COX15: variants seen among roughly 807,000 people sequenced by gnomAD.
COX15 encodes the protein cytochrome c oxidase assembly factor COX15, also known as heme A synthase COX15.
In COX15, 51 loss-of-function variants were observed where a neutral mutation model predicts 51.9. That is an observed-to-expected ratio of 0.98 (90% confidence interval 0.78 to 1.24). COX15 has a LOEUF of 1.24. COX15 is among the 50% of genes most tolerant of loss of function. COX15 has a pLI of 0.00. For synonymous variants in COX15, 188 were observed against 190.5 expected, an observed-to-expected ratio of 0.99 and a Z score of 0.11; for missense variants, 420 against 501.1, an observed-to-expected ratio of 0.84 and a Z score of 1.55.
At chr10:99,708,823 G>A, downstream of COX15, 1 of 985,328 alleles carries the variant, frequency 1.0e-6, no homozygotes, top group Non-Finnish European at 1.2e-6. Flanking sequence ...TGGCCTCCTA[G>A]CCCAACTACT....
chr10:99,729,648 G>A lies in COX15; in HGVS notation c.177C>T (p.Ser59=), dbSNP rs1383322913. 6.2e-7 allele frequency: 1 copy of A among 1,613,884 alleles called. No homozygotes were observed. The highest frequency in any genetic ancestry group is 8.5e-7 in the Non-Finnish European group (1 of 1,180,014). ...CCCGCTCAGCAGCCTTTGAGGGAAG[G>A]GACACTGTACCCCTTCCAGATTGCA... The part of the protein sequence containing the change: ...VALQSGRGTV[S]LPSKAAERVV... Residue 59 remains serine, a synonymous_variant, in exon 2 of 9, where the codon TCC becomes TCT. Coordinates refer to ENST00000016171, the MANE Select transcript of COX15 (RefSeq NM_078470.6).
chr10:99,702,697 G>T, the COX15 span: 2 of 1,584,472 alleles, frequency 1.3e-6, no homozygotes, highest in South Asian at 2.3e-5. Context: ...GACCAATCTG[G>T]TATCTTGAGC....
intron 5 of COX15, among the ~76,000 whole-genome samples, chr10:99,721,422 A>G (rs1324218080): frequency 6.6e-6 from 1 of 152,240 alleles, no homozygotes; most frequent in Non-Finnish European, 1.5e-5. Context: ...TCACGGTTGA[A>G]AGGATGTAGC....
intron 4 of COX15, among the ~76,000 whole-genome samples, chr10:99,726,013 T>G (rs10786568): frequency 0.87 from 132,125 of 152,094 alleles, 57,460 homozygotes; most frequent in Middle Eastern, 0.92. Flanking sequence ...TTTAATTTGT[T>G]GCTCAGTTTC....
chr10:99,697,035 A>G, the COX15 span, among the ~76,000 whole-genome samples: 3 of 152,234 alleles, frequency 2.0e-5, no homozygotes, highest in Non-Finnish European at 2.9e-5. Flanking sequence ...TACGAACACT[A>G]GCTTGAAGAA....
the COX15 span, chr10:99,698,433 AC>A: frequency 1.7e-5 from 20 of 1,152,126 alleles, no homozygotes; most frequent in African/African-American, 3.1e-5. Context: ...TATCATGAAA[AC>A]CAGTAGTAAG....
In COX15 at chr10:99,724,550, A is replaced by G. The variant is rs945957896; in HGVS notation, c.583-427T>C. 3.3e-5 allele frequency among the ~76,000 whole-genome samples: 5 copies of G among 151,294 alleles called. No individual in the cohort carries two copies. In the South Asian group the frequency reaches 1.0e-3, roughly 32 times the overall value. On this transcript the variant is annotated intron_variant, in intron 4 of 8. Transcript: ENST00000016171. The stretch of plus-strand genomic sequence containing the variant: ...TCTACCCCACCCCTCCTCTTTCCAT[A>G]CCCTCCCCAATACGCAGTGTCCCAA...
Position 99,727,128 on chromosome 10 carries a change from T to C in COX15, c.422A>G (p.Glu141Gly). ...CTCCATGTACCAGATGAACTTGAATTCTGTCAGTGTCATATCATGATTCAA... is the reference window on the plus strand; with the variant it reads ...CTCCATGTACCAGATGAACTTGAATCCTGTCAGTGTCATATCATGATTCAA... ...KILNHDMTLT[E>G]FKFIWYMEYS... The change falls in exon 4 of 9, where the codon GAA becomes GGA. Residue 141 changes from glutamate to glycine, a missense_variant. Physicochemically the swap from Glu to Gly is moderately conservative, Grantham distance 98 (BLOSUM62 -2). Coordinates refer to ENST00000016171, the MANE Select transcript of COX15 (RefSeq NM_078470.6). 1 of 1,614,210 alleles carries C rather than the reference T, an allele frequency of 6.2e-7. No individual in the cohort carries two copies. The highest frequency in any genetic ancestry group is 1.1e-5 in the South Asian group (1 of 91,086).
chr10:99,700,922 G>A, the COX15 span: 4 of 1,448,498 alleles, frequency 2.8e-6, no homozygotes, highest in African/African-American at 5.6e-5. Context: ...GGGGAAGGTA[G>A]AGAGTTTGCC....
At chr10:99,721,135 C>CT (rs2036755811) in intron 5 of COX15, 67 bp from the exon 6 acceptor site, 20 of 1,324,946 alleles carry the variant, frequency 1.5e-5, no homozygotes, top group Non-Finnish European at 2.0e-5. Context: ...GCAAAGATCT[C>CT]TAAGGCCAAA....
At chr10:99,715,582 C>T (rs6584318) in intron 8 of COX15, among the ~76,000 whole-genome samples, 130,207 of 151,438 alleles carry the variant, frequency 0.86, 56,056 homozygotes, top group Middle Eastern at 0.93. Flanking sequence ...CAAAGAATTA[C>T]CCATTTAACT....
At chr10:99,699,314 G>A in the COX15 span, among the ~76,000 whole-genome samples, 2 of 152,186 alleles carry the variant, frequency 1.3e-5, no homozygotes, top group Non-Finnish European at 2.9e-5. Context: ...GTGGTATGGG[G>A]TCCCTGGGAA....
rs145963002 is a variant in COX15 at position 99,712,811 on chromosome 10, A to T, written c.*1776T>A. On this transcript the variant is annotated 3_prime_UTR_variant, in exon 9 of 9. Transcript: ENST00000016171. Reference sequence around the variant, plus strand: ...CTACCCTACTCTTGCCTTCTACAGAACTAAAACTAACTTCCTGCAACTTTC... The same window carrying T: ...CTACCCTACTCTTGCCTTCTACAGATCTAAAACTAACTTCCTGCAACTTTC... The T allele has an allele frequency of 6.8e-4, 218 of 319,266 alleles. No homozygotes were observed. Among genetic ancestry groups the T allele is most frequent in the African/African-American group, 4.5e-3 (199 of 44,550 alleles). The allele number at this position is 319,266 out of a possible 1,614,324, so 19.8% of individuals were successfully genotyped here. A position where few individuals can be genotyped will look rare whatever the true frequency, so the allele number is the denominator to read the frequency against.
chr10:99,700,434 GTGTGTGTGTGTT>G, the COX15 span, among the ~76,000 whole-genome samples: 1 of 93,506 alleles, frequency 1.1e-5, no homozygotes, highest in East Asian at 3.0e-4. Flanking sequence ...GTGTGTGTGT[GTGTGTGTGTGTT>G]TATTGTCTGT....
rs1175336324 is a variant in COX15 at position 99,712,178 on chromosome 10, C to T, written c.*2409G>A. The T allele has an allele frequency of 1.0e-6, 1 of 961,204 alleles. No homozygotes were observed. The highest frequency in any genetic ancestry group is 1.8e-5 in the African/African-American group (1 of 56,662). The allele number at this position is 961,204 out of a possible 1,614,324, so 59.5% of individuals were successfully genotyped here. ...CTAACACTGAATGTCACACTTTGAA[C>T]ATGAGATTTGGAGGGGACAAAACAT... On this transcript the variant is annotated 3_prime_UTR_variant, in exon 9 of 9. Transcript: ENST00000016171.
the COX15 span, chr10:99,698,740 C>T: frequency 8.1e-6 from 13 of 1,614,100 alleles, no homozygotes; most frequent in East Asian, 1.1e-4. Context: ...ATATATCAAT[C>T]GCCTATTGAC....
Position 99,712,809 on chromosome 10 carries a change from GAACTAA to G in COX15, c.*1772_*1777del, listed in dbSNP as rs1489418524. The G allele has an allele frequency of 1.2e-5, 4 of 324,972 alleles. No homozygotes were observed. The East Asian group carries it at 4.8e-4, about 39-fold the overall frequency. The allele number at this position is 324,972 out of a possible 1,614,324, so 20.1% of individuals were successfully genotyped here. Reference sequence around the variant, plus strand: ...GTCTACCCTACTCTTGCCTTCTACAGAACTAAAACTAACTTCCTGCAACTTTCATCC... The same window carrying G: ...GTCTACCCTACTCTTGCCTTCTACAGAACTAACTTCCTGCAACTTTCATCC... On this transcript the variant is annotated 3_prime_UTR_variant, in exon 9 of 9. Transcript: ENST00000016171.
downstream of COX15, among the ~76,000 whole-genome samples, chr10:99,706,558 C>G (rs2036258082): frequency 6.6e-6 from 1 of 151,750 alleles, no homozygotes; most frequent in Non-Finnish European, 1.5e-5. Context: ...TGGTCTCAAA[C>G]TCTTGGGCTC....
chr10:99,723,817 A>T, intron 5 of COX15, 139 bp downstream of exon 5: 6 of 909,712 alleles, frequency 6.6e-6, no homozygotes, highest in African/African-American at 1.6e-5. Context: ...TCTATTTTTC[A>T]ATTTGTTTCA....
Sources: allele counts gnomAD v4.1 joint callset (sites outside exome capture counted in the v4.1 genomes callset), GRCh38; gene constraint gnomAD v4.1.1; transcripts MANE v1.5; gene names NCBI Gene and HGNC (gene_info 2026-07-23, HGNC 2026-07-21).